ATXN3: variants seen among roughly 807,000 people sequenced by gnomAD.
ATXN3 encodes ataxin-3.
Under a neutral mutation model 58.2 loss-of-function variants are expected in ATXN3, and 28 were observed. That is an observed-to-expected ratio of 0.48 (90% CI 0.36 to 0.66). The LOEUF (loss-of-function observed/expected upper bound fraction) is 0.66. ATXN3 is among the 30% of genes least tolerant of loss of function. ATXN3 has a pLI of 0.00. For synonymous variants in ATXN3, 113 were observed against 138.5 expected (o/e 0.82, Z 1.29); for missense variants, 321 against 422.1 (o/e 0.76, Z 2.10).
chr14:92,052,258 G>T (rs2057451339), upstream of ATXN3, among the ~76,000 whole-genome samples: 1 of 151,992 alleles, frequency 6.6e-6, no homozygotes, highest in Non-Finnish European at 1.5e-5. Flanking sequence ...ACTTTGGGAG[G>T]CTGAGGCGGG....
intron 2 of ATXN3, among the ~76,000 whole-genome samples, chr14:92,047,321 G>A (rs1334775386): frequency 6.6e-6 from 1 of 152,272 alleles, no homozygotes; most frequent in Non-Finnish European, 1.5e-5. Flanking sequence ...GAGGTAACCT[G>A]TAAGACTTGT....
chr14:92,093,907 G>T, intron 3 of ATXN3, 76 bp from the exon 4 acceptor site: 1 of 835,684 alleles, frequency 1.2e-6, no homozygotes, highest in Non-Finnish European at 2.0e-6. Context: ...TATGTTAGTT[G>T]TGTACTTCAT....
intron 1 of ATXN3, among the ~76,000 whole-genome samples, chr14:92,097,435 C>G (rs1364501484): frequency 6.6e-6 from 1 of 151,684 alleles, no homozygotes; most frequent in African/African-American, 2.4e-5. Flanking sequence ...ACTCTGTTAG[C>G]CAGGCTGGTC....
chr14:92,078,440 G>A (rs776507665), intron 9 of ATXN3, among the ~76,000 whole-genome samples: 16 of 151,766 alleles, frequency 1.1e-4, no homozygotes, highest in Non-Finnish European at 1.6e-4. Flanking sequence ...TCGGCTCACC[G>A]CAACCTCGCC....
At position 92,059,607 on chromosome 14, in the gene ATXN3, G is replaced by A. The variant is rs2057605914; in HGVS notation, c.*4713C>T. 1 of 152,044 alleles carries A rather than the reference G, an allele frequency of 6.6e-6. No individual in the cohort carries two copies. The highest frequency in any genetic ancestry group is 6.6e-5 in the Admixed American group (1 of 15,246). 9.4% of individuals were successfully genotyped at this position (152,044 alleles called of 1,614,324 possible). A position where few individuals can be genotyped will look rare whatever the true frequency, so the allele number is the denominator to read the frequency against. On this transcript the variant is annotated 3_prime_UTR_variant, in exon 11 of 11. Transcript: ENST00000644486. ...AGGCCAAGGCAGGCAGATCACCTGA[G>A]GTCAGGAGTTTGAGACCAGCCTAAC...
chr14:92,088,712 T>C lies in ATXN3; in HGVS notation c.475+18A>G, dbSNP rs1223049224. 2.6e-6 allele frequency: 4 copies of C among 1,519,020 alleles called. No individual in the cohort carries two copies. The East Asian group carries it at 6.8e-5, about 26-fold the overall frequency. The allele number at this position is 1,519,020 out of a possible 1,614,324, so 94.1% of individuals were successfully genotyped here. On this transcript the variant is annotated intron_variant, in intron 6 of 10. Coordinates refer to ENST00000644486, the MANE Select transcript of ATXN3 (RefSeq NM_004993.6). Reference sequence around the variant, plus strand: ...TACTTCGAAAGGTAACATTACAAAATGTTCAGCCGTTACTTACCTTCCTGT... The same window carrying C: ...TACTTCGAAAGGTAACATTACAAAACGTTCAGCCGTTACTTACCTTCCTGT...
At chr14:92,068,003 T>C (rs10129909) in intron 10 of ATXN3, among the ~76,000 whole-genome samples, 43,598 of 151,772 alleles carry the variant, frequency 0.29, 6,617 homozygotes, top group East Asian at 0.44. Flanking sequence ...CCACATGGCC[T>C]CCACGGACAT....
chr14:92,056,741 CTTAGGATTAAGGG>C (rs1209865421), downstream of ATXN3, among the ~76,000 whole-genome samples: 1 of 152,108 alleles, frequency 6.6e-6, no homozygotes, highest in Non-Finnish European at 1.5e-5. Flanking sequence ...CTCTGCAACC[CTTAGGATTAAGGG>C]TTTTCTTATA....
downstream of ATXN3, among the ~76,000 whole-genome samples, chr14:92,056,129 C>T (rs77863112): frequency 0.019 from 2,866 of 151,260 alleles, 55 homozygotes; most frequent in South Asian, 0.081. Context: ...TGGCCTCCTA[C>T]GCTAGTTTGA....
intron 1 of ATXN3, among the ~76,000 whole-genome samples, chr14:92,102,542 C>A (rs1370934895): frequency 1.3e-5 from 2 of 152,166 alleles, no homozygotes; most frequent in East Asian, 3.9e-4. Context: ...AAGGTGCTCT[C>A]GGGAATGGGC....
Position 92,070,744 on chromosome 14 carries a change from C to A in ATXN3, c.991+191G>T, listed in dbSNP as rs938741759. On this transcript the variant is annotated intron_variant, in intron 10 of 10. Transcript: ENST00000644486. ...TACAGATGTGAGCCACCACATCTAG[C>A]TTTTTTTTTTTTTTTTCTTTTGGTA... 2.8e-5 allele frequency: 28 copies of A among 1,017,626 alleles called. No homozygotes were observed. The South Asian group carries it at 5.7e-4, about 21-fold the overall frequency. 63.0% of individuals were successfully genotyped at this position (1,017,626 alleles called of 1,614,324 possible). A position where few individuals can be genotyped will look rare whatever the true frequency, so the allele number is the denominator to read the frequency against.
chr14:92,070,752 T>C, intron 10 of ATXN3, 183 bp downstream of exon 10: 3 of 1,360,028 alleles, frequency 2.2e-6, no homozygotes, highest in Non-Finnish European at 2.9e-6. Flanking sequence ...AGCTTTTTTT[T>C]TTTTTTTTCT....
chr14:92,066,969 C>T (rs2058568291), intron 10 of ATXN3, among the ~76,000 whole-genome samples: 1 of 151,958 alleles, frequency 6.6e-6, no homozygotes, highest in African/African-American at 2.4e-5. Flanking sequence ...AGGGTTTCCC[C>T]ATGTTGGCCA....
intron 10 of ATXN3, among the ~76,000 whole-genome samples, chr14:92,068,859 G>A (rs1351686737): frequency 6.6e-6 from 1 of 152,042 alleles, no homozygotes; most frequent in East Asian, 1.9e-4. Context: ...CAAAGTGCTG[G>A]GATTACACGT....
intron 10 of ATXN3, 152 bp downstream of exon 10, chr14:92,070,783 C>T (rs2059294119): frequency 1.1e-5 from 16 of 1,399,038 alleles, no homozygotes; most frequent in South Asian, 5.7e-5. Flanking sequence ...GCTCCTTAAT[C>T]CAGGGAAATT....
downstream of ATXN3, among the ~76,000 whole-genome samples, chr14:92,053,558 G>A (rs183608370): frequency 1.3e-5 from 2 of 148,854 alleles, no homozygotes; most frequent in South Asian, 4.3e-4. Flanking sequence ...GTGCAGTGGT[G>A]CGATCATAGC....
chr14:92,073,277 T>C (rs2059764575), intron 9 of ATXN3, among the ~76,000 whole-genome samples: 1 of 152,256 alleles, frequency 6.6e-6, no homozygotes, highest in South Asian at 2.1e-4. Context: ...AGGTGGAACA[T>C]GTTCAAGTGG....
chr14:92,088,275 T>C (rs534884019), intron 6 of ATXN3, among the ~76,000 whole-genome samples: 375 of 152,258 alleles, frequency 2.5e-3, no homozygotes, highest in Middle Eastern at 0.02. Context: ...TTTCACCGTG[T>C]TAGCCAGGAT....
chr14:92,080,505 T>G (rs1851958347), intron 9 of ATXN3: 1 of 152,458 alleles, frequency 6.6e-6, no homozygotes, highest in South Asian at 2.1e-4. Context: ...TCATGTTATT[T>G]GCCGTAAATT....
Sources: allele counts gnomAD v4.1 joint callset (sites outside exome capture counted in the v4.1 genomes callset), GRCh38; gene constraint gnomAD v4.1.1; transcripts MANE v1.5; gene names NCBI Gene and HGNC (gene_info 2026-07-23, HGNC 2026-07-21).